Variants in NHSL1 observed in about 807,000 individuals in gnomAD.
The protein encoded by NHSL1 is NHS-like protein 1.
Under a neutral mutation model 95.0 loss-of-function variants are expected in NHSL1, and 48 were observed. That is an observed-to-expected ratio of 0.51 (90% confidence interval 0.40 to 0.64). NHSL1 has a LOEUF of 0.64. Ranked by LOEUF, NHSL1 falls within the 30% of genes least tolerant of loss-of-function variation. The pLI is 0.00. For missense variants in NHSL1, 1,971 were observed against 2,077.7 expected (o/e 0.95, Z 1.00); for synonymous variants, 783 against 833.9 (o/e 0.94, Z 1.05).
At chr6:138,457,101 G>A (rs1338966454) in intron 3 of NHSL1, among the ~76,000 whole-genome samples, 1 of 152,016 alleles carries the variant, frequency 6.6e-6, no homozygotes, top group Admixed American at 6.5e-5. Context: ...GGCTAGTCTG[G>A]AACTCCTGAC....
At chr6:138,582,714 C>T (rs1232322442) in intron 1 of NHSL1, among the ~76,000 whole-genome samples, 1 of 152,172 alleles carries the variant, frequency 6.6e-6, no homozygotes, top group Non-Finnish European at 1.5e-5. Flanking sequence ...TGGCTGTGCA[C>T]CTTCAATCTG....
At chr6:138,436,105 C>T (rs1366914970) in intron 5 of NHSL1, among the ~76,000 whole-genome samples, 1 of 152,128 alleles carries the variant, frequency 6.6e-6, no homozygotes, top group Non-Finnish European at 1.5e-5. Context: ...ATTAATAACC[C>T]TACAATAGCC....
chr6:138,498,148 G>A (rs1780466551), intron 1 of NHSL1, among the ~76,000 whole-genome samples: 1 of 152,172 alleles, frequency 6.6e-6, no homozygotes, highest in African/African-American at 2.4e-5. Context: ...TGTAGCCAGA[G>A]TTCATCACAG....
At chr6:138,655,733 G>C (rs767993688) in intron 1 of NHSL1, among the ~76,000 whole-genome samples, 1 of 152,088 alleles carries the variant, frequency 6.6e-6, no homozygotes, top group Non-Finnish European at 1.5e-5. Context: ...ACTTTGATGG[G>C]AGCAATTATT....
chr6:138,659,737 G>A (rs912280780), intron 1 of NHSL1, among the ~76,000 whole-genome samples: 3 of 132,554 alleles, frequency 2.3e-5, no homozygotes, highest in Admixed American at 7.9e-5. Flanking sequence ...TTTTTTTTGA[G>A]ATGGAGTCTC....
At chr6:138,571,858 A>G (rs1783852913) in exon 1 of NHSL1, 2 of 1,551,808 alleles carry the variant, frequency 1.3e-6, no homozygotes, top group Non-Finnish European at 1.7e-6. Flanking sequence ...CACGTGAGAG[A>G]GAACCTGTAT....
chr6:138,571,104 A>G (rs186520260), intron 1 of NHSL1, among the ~76,000 whole-genome samples: 1 of 152,310 alleles, frequency 6.6e-6, no homozygotes, highest in African/African-American at 2.4e-5. Flanking sequence ...GTCTGAAAAG[A>G]AACTTGATAG....
intron 2 of NHSL1, among the ~76,000 whole-genome samples, chr6:138,480,868 T>C (rs771370302): frequency 3.3e-5 from 5 of 152,222 alleles, no homozygotes; most frequent in Non-Finnish European, 5.9e-5. Context: ...AAGCCTCTTG[T>C]TATCATTACC....
chr6:138,615,409 G>C (rs886963166), intron 1 of NHSL1, among the ~76,000 whole-genome samples: 10 of 152,216 alleles, frequency 6.6e-5, no homozygotes, highest in African/African-American at 2.4e-4. Context: ...TCTATGAATG[G>C]AGACACCAGT....
intron 1 of NHSL1, among the ~76,000 whole-genome samples, chr6:138,558,132 T>C (rs1783263909): frequency 6.6e-6 from 1 of 150,798 alleles, no homozygotes; most frequent in Admixed American, 6.6e-5. Context: ...TTTGGGGGGC[T>C]TTTTTTTTGA....
rs1162570609 is a variant in NHSL1 at position 138,522,740 on chromosome 6, G to A, written c.16+22883C>T. 3.9e-5 allele frequency among the ~76,000 whole-genome samples: 6 copies of A among 152,136 alleles called. No individual in the cohort carries two copies. In the East Asian group the frequency reaches 9.6e-4, roughly 24 times the overall value. On this transcript the variant is annotated intron_variant, in intron 1 of 4. Coordinates refer to the NHSL1 transcript ENST00000342260. The stretch of plus-strand genomic sequence containing the variant: ...CTAGGAAGATCACTTGGGCCCAGGC[G>A]GCTGAGGCTGCAGTGAGCCGTGATT...
At chr6:138,560,092 T>G (rs1783356002) in intron 1 of NHSL1, among the ~76,000 whole-genome samples, 1 of 152,230 alleles carries the variant, frequency 6.6e-6, no homozygotes, top group Non-Finnish European at 1.5e-5. Context: ...GAAAACTAGC[T>G]CAACTTTCTC....
intron 7 of NHSL1, among the ~76,000 whole-genome samples, chr6:138,426,906 A>T (rs1283251212): frequency 6.6e-6 from 1 of 152,256 alleles, no homozygotes; most frequent in Non-Finnish European, 1.5e-5. Context: ...AACTACAGAC[A>T]TCCTAACATC....
At chr6:138,580,162 G>T (rs1022722704) in intron 1 of NHSL1, among the ~76,000 whole-genome samples, 1 of 152,160 alleles carries the variant, frequency 6.6e-6, no homozygotes, top group Non-Finnish European at 1.5e-5. Flanking sequence ...ATCAGTATGT[G>T]CATCACCTCC....
Position 138,431,329 on chromosome 6 carries a change from C to G in NHSL1, c.3016G>C (p.Val1006Leu), listed in dbSNP as rs1424231703. The G allele has an allele frequency of 6.6e-7, 1 of 1,521,010 alleles. No homozygotes were observed. 94.2% of individuals were successfully genotyped at this position (1,521,010 alleles called of 1,614,324 possible). A position where few individuals can be genotyped will look rare whatever the true frequency, so the allele number is the denominator to read the frequency against. The change falls in exon 6 of 8, where the codon GTG becomes CTG. Residue 1006 changes from valine to leucine, a missense_variant. By Grantham distance (32) the Val-to-Leu change is conservative. Transcript: ENST00000343505. This position sits in a 1 kb window ranked among gnomAD's most constrained non-coding sequence, Gnocchi z 4.0. ...ALSPILPDSP[V>L]SLPLPPPLLP... Reference sequence around the variant, plus strand: ...AGAGGTGGGGGCAATGGCAAGGACACAGGTGAATCTGGAAGAATGGGGCTC... The same window carrying G: ...AGAGGTGGGGGCAATGGCAAGGACAGAGGTGAATCTGGAAGAATGGGGCTC...
chr6:138,471,699 T>C (rs984172439), intron 3 of NHSL1, among the ~76,000 whole-genome samples: 3 of 151,930 alleles, frequency 2.0e-5, no homozygotes, highest in Admixed American at 2.0e-4. Context: ...ATGACTACAA[T>C]CTCTAATAAT....
intron 1 of NHSL1, among the ~76,000 whole-genome samples, chr6:138,673,417 T>C (rs1381779969): frequency 2.0e-5 from 3 of 151,284 alleles, no homozygotes; most frequent in African/African-American, 7.3e-5. Flanking sequence ...TTTCCCAGAC[T>C]CAGCATTTTT....
intron 1 of NHSL1, among the ~76,000 whole-genome samples, chr6:138,537,983 C>T (rs774663915): frequency 1.3e-5 from 2 of 152,118 alleles, no homozygotes; most frequent in African/African-American, 4.8e-5. Context: ...CTCATCAACA[C>T]GCAATGAAAT....
At chr6:138,622,566 A>G (rs558834600) in intron 1 of NHSL1, among the ~76,000 whole-genome samples, 4 of 152,332 alleles carry the variant, frequency 2.6e-5, no homozygotes, top group East Asian at 1.9e-4. Context: ...AATATTAAAT[A>G]AAACAAAAGT....
Sources: allele counts gnomAD v4.1 joint callset (sites outside exome capture counted in the v4.1 genomes callset), GRCh38; gene constraint gnomAD v4.1.1; non-coding constraint Gnocchi (gnomAD v3.1); transcripts MANE v1.5; gene names NCBI Gene and HGNC (gene_info 2026-07-23, HGNC 2026-07-21).